Variants in BAX observed in about 807,000 individuals in gnomAD.
BAX encodes apoptosis regulator BAX.
In BAX, 21 loss-of-function variants were observed where a neutral mutation model predicts 26.8. That is an observed-to-expected ratio of 0.78 (90% CI 0.56 to 1.13). The LOEUF is 1.13. Ranked by LOEUF, BAX falls within the 50% of genes most tolerant of loss-of-function variation. BAX has a pLI of 0.00. For missense variants in BAX, 236 were observed against 254.6 expected (o/e 0.93, Z 0.50); for synonymous variants, 110 against 101.8 (o/e 1.08, Z -0.49).
intron 1 of BAX, 46 bp from the exon 2 acceptor site, chr19:48,955,502 T>G: frequency 6.3e-7 from 1 of 1,591,396 alleles, no homozygotes; most frequent in Non-Finnish European, 8.6e-7. Flanking sequence ...CCTGATCCCC[T>G]AGAACCCAAG....
At chr19:48,956,428 G>A (rs4645886) in intron 4 of BAX, 95 bp downstream of exon 4, 25,413 of 1,337,536 alleles carry the variant, frequency 0.019, 315 homozygotes, top group South Asian at 0.03. Flanking sequence ...GTGGCCCAGT[G>A]ACCACAGAGG....
chr19:48,961,233 C>G, intron 5 of BAX: 2 of 1,447,322 alleles, frequency 1.4e-6, no homozygotes, highest in Non-Finnish European at 1.8e-6. Context: ...TGATGACCCT[C>G]TGACCCTAGC....
intron 5 of BAX, chr19:48,961,278 G>A (rs2038349966): frequency 7.0e-7 from 1 of 1,419,618 alleles, no homozygotes; most frequent in Middle Eastern, 2.0e-4. Flanking sequence ...ACTGAGAAGG[G>A]GTCTCGCTAT....
At chr19:48,956,819 CTTTTTTTTT>C (rs56251427) in intron 4 of BAX, among the ~76,000 whole-genome samples, 5 of 87,384 alleles carry the variant, frequency 5.7e-5, no homozygotes, top group Admixed American at 2.9e-4. Flanking sequence ...TTATCCCTGG[CTTTTTTTTT>C]TTTTTTTTTT....
intron 4 of BAX, among the ~76,000 whole-genome samples, chr19:48,959,985 T>A (rs1190025237): frequency 2.2e-4 from 2 of 8,986 alleles, no homozygotes; most frequent in African/African-American, 8.2e-4. Flanking sequence ...AGAGCAAGAC[T>A]CCATCTTAAA....
intron 4 of BAX, among the ~76,000 whole-genome samples, chr19:48,958,058 C>G (rs1219929239): frequency 6.7e-6 from 1 of 150,370 alleles, no homozygotes; most frequent in African/African-American, 2.5e-5. Flanking sequence ...TGAAAGATGA[C>G]AAGCCCTGGT....
At chr19:48,959,329 G>C (rs537329156) in intron 4 of BAX, among the ~76,000 whole-genome samples, 1 of 125,452 alleles carries the variant, frequency 8.0e-6, no homozygotes, top group Non-Finnish European at 1.6e-5. Flanking sequence ...AGCCTGGAGC[G>C]ACAGAGTGAG....
At chr19:48,959,430 T>G (rs1195411068) in intron 4 of BAX, among the ~76,000 whole-genome samples, 6 of 149,658 alleles carry the variant, frequency 4.0e-5, no homozygotes, top group African/African-American at 1.2e-4. Context: ...AAGAATTTGC[T>G]TCGTCGAGGC....
intron 4 of BAX, among the ~76,000 whole-genome samples, chr19:48,956,580 T>C (rs2038141302): frequency 6.6e-6 from 1 of 151,996 alleles, no homozygotes; most frequent in South Asian, 2.1e-4. Flanking sequence ...ATCCCTGCTC[T>C]CAGGGAGTTC....
rs565635087 is a variant in BAX at position 48,958,621 on chromosome 19, G to T, written c.370-2189G>T. ...TGCAGTGGCGCGATCTCAGCTCACT[G>T]CAACCTCCACCTCCTGGGTTTAAGC... is the stretch of plus-strand genomic sequence containing the variant. On this transcript the variant is annotated intron_variant, in intron 4 of 5. Coordinates refer to ENST00000345358, the MANE Select transcript of BAX (RefSeq NM_138761.4). 1.7e-4 allele frequency among the ~76,000 whole-genome samples: 25 copies of T among 150,812 alleles called. No individual in the cohort carries two copies. In the South Asian group the frequency reaches 5.0e-3, roughly 30 times the overall value.
At chr19:48,955,953 A>T (rs2038112121) in intron 3 of BAX, 120 bp downstream of exon 3, 1 of 1,323,832 alleles carries the variant, frequency 7.6e-7, no homozygotes, top group African/African-American at 1.5e-5. Context: ...AACTCAGCGC[A>T]AACATTCCGG....
chr19:48,960,920 ACTCCTCAAGC>A lies in BAX; in HGVS notation c.474+14_474+23del. Reference sequence around the variant, plus strand: ...TCCAAGACCAGGGTGGTTGGGTGAGACTCCTCAAGCCTCCTCACCCCCACCACCGCGCCCT... The same window carrying A: ...TCCAAGACCAGGGTGGTTGGGTGAGACTCCTCACCCCCACCACCGCGCCCT... On this transcript the variant is annotated splice_region_variant and intron_variant, in intron 5 of 5. Transcript: ENST00000345358. The A allele has an allele frequency of 6.2e-7, 1 of 1,611,876 alleles. No individual in the cohort carries two copies. The highest frequency in any genetic ancestry group is 8.5e-7 in the Non-Finnish European group (1 of 1,179,330).
intron 5 of BAX, 159 bp downstream of exon 5, chr19:48,961,073 T>C (rs750553916): frequency 1.2e-6 from 2 of 1,603,060 alleles, no homozygotes; most frequent in Admixed American, 1.7e-5. Context: ...ATGTGGTCTA[T>C]AATGCGTTTT....
chr19:48,958,401 C>T (rs1382016244), intron 4 of BAX, among the ~76,000 whole-genome samples: 25 of 125,776 alleles, frequency 2.0e-4, no homozygotes, highest in African/African-American at 7.7e-4. Context: ...GTTACCAAGG[C>T]TGGAATGCAG....
intron 4 of BAX, chr19:48,960,275 C>G (rs1284908459): frequency 6.8e-6 from 3 of 438,426 alleles, no homozygotes; most frequent in African/African-American, 6.1e-5. Flanking sequence ...CTCACTGCAA[C>G]CTCTGCCTCC....
chr19:48,961,645 G>C lies in BAX; in HGVS notation c.*9G>C, dbSNP rs1388419292. Reference sequence around the variant, plus strand: ...GGAAGAAGATGGGCTGAGGCCCCCAGCTGCCTTGGACTGTGTTTTTCCTCC... The same window carrying C: ...GGAAGAAGATGGGCTGAGGCCCCCACCTGCCTTGGACTGTGTTTTTCCTCC... On this transcript the variant is annotated 3_prime_UTR_variant, in exon 6 of 6. Transcript: ENST00000345358. 2 of 1,583,298 alleles carry C rather than the reference G, an allele frequency of 1.3e-6. No individual in the cohort carries two copies. The highest frequency in any genetic ancestry group is 2.3e-5 in the East Asian group (1 of 43,886).
chr19:48,959,075 G>A (rs767235313), intron 4 of BAX, among the ~76,000 whole-genome samples: 11 of 151,896 alleles, frequency 7.2e-5, no homozygotes, highest in Non-Finnish European at 1.2e-4. Context: ...CTCTGGCTGG[G>A]CGTGGTGGCT....
chr19:48,959,660 C>CAAAA (rs1229929205), intron 4 of BAX, among the ~76,000 whole-genome samples: 3 of 94,634 alleles, frequency 3.2e-5, no homozygotes, highest in Admixed American at 1.1e-4. Flanking sequence ...ACTAAAAATT[C>CAAAA]AAAAAAAAAA....
Position 48,960,899 on chromosome 19 carries a change from A to C in BAX, c.459A>C (p.Gln153His). 2 of 1,614,052 alleles carry C rather than the reference A, an allele frequency of 1.2e-6. No homozygotes were observed. The highest frequency in any genetic ancestry group is 1.7e-6 in the Non-Finnish European group (2 of 1,180,000). The part of the protein sequence containing the change: ...FLRERLLGWI[Q>H]DQGGWDGLLS... Reference sequence around the variant, plus strand: ...GGGAGCGGCTGTTGGGCTGGATCCAAGACCAGGGTGGTTGGGTGAGACTCC... The same window carrying C: ...GGGAGCGGCTGTTGGGCTGGATCCACGACCAGGGTGGTTGGGTGAGACTCC... The change falls in exon 5 of 6, where the codon CAA becomes CAC. Residue 153 changes from glutamine (Q) to histidine (H), a missense_variant. Coordinates refer to ENST00000345358, the MANE Select transcript of BAX (RefSeq NM_138761.4).
Sources: gnomAD v4.1 joint callset for allele counts (sites outside exome capture counted in the v4.1 genomes callset) on GRCh38, gnomAD v4.1.1 for gene constraint, MANE v1.5 for transcripts, NCBI Gene and HGNC (gene_info 2026-07-23, HGNC 2026-07-21) for gene names.